Variants in TNKS observed in about 807,000 individuals in gnomAD.
TNKS encodes the protein tankyrase, also known as poly [ADP-ribose] polymerase tankyrase-1.
A neutral mutation model predicts 135.8 loss-of-function variants in TNKS; 72 were observed. The observed-to-expected ratio is 0.53, with a 90% CI of 0.44 to 0.64. The LOEUF (loss-of-function observed/expected upper bound fraction) is 0.64. Among genes scored for constraint, TNKS ranks in the 30% least tolerant of loss-of-function variants. The pLI, the probability that TNKS is intolerant of heterozygous loss-of-function variation, is 0.00. For missense variants in TNKS, 1,769 were observed against 1,674.0 expected (o/e 1.06, Z -0.99); for synonymous variants, 849 against 649.3 (o/e 1.31, Z -4.68).
chr8:9,765,691 G>C lies in TNKS; in HGVS notation c.3448-1G>C. 4 of 1,612,556 alleles carry C rather than the reference G, an allele frequency of 2.5e-6. No individual in the cohort carries two copies. The highest frequency in any genetic ancestry group is 3.4e-6 in the Non-Finnish European group (4 of 1,178,736). Reference sequence around the variant, plus strand: ...TGTTTCTTTCTTCTTCATCCTTAAAGATTCAAAAAGTTGTCAACAAGAAGT... The same window carrying C: ...TGTTTCTTTCTTCTTCATCCTTAAACATTCAAAAAGTTGTCAACAAGAAGT... On this transcript the variant is annotated splice_acceptor_variant, in intron 23 of 26. Coordinates refer to ENST00000310430, the MANE Select transcript of TNKS (RefSeq NM_003747.3). LOFTEE classifies it high-confidence loss of function.
chr8:9,658,503 G>C (rs1332169630), intron 3 of TNKS: 1 of 549,078 alleles, frequency 1.8e-6, no homozygotes, highest in African/African-American at 2.0e-5. Flanking sequence ...AAGTGAAGGA[G>C]AAATAAAATC....
chr8:9,608,874 A>G lies in TNKS; in HGVS notation c.899-6708A>G, dbSNP rs371305632. Among the ~76,000 whole-genome samples, 185 of 152,266 alleles carry G rather than the reference A, an allele frequency of 1.2e-3. 1 individual carries two copies. The highest frequency in any genetic ancestry group is 4.1e-3 in the African/African-American group (172 of 41,534). On this transcript the variant is annotated intron_variant, in intron 2 of 26. Transcript: ENST00000310430. ...CTTCTTTCAGGGATCACTGTTTACA[A>G]CTGCAGCTGGCTACTGCCTGCAGTT...
At chr8:9,768,357 C>A (rs1372921290) in intron 25 of TNKS, among the ~76,000 whole-genome samples, 1 of 152,198 alleles carries the variant, frequency 6.6e-6, no homozygotes, top group African/African-American at 2.4e-5. Flanking sequence ...CATGAGGCAT[C>A]TCCGGAGAGG....
At chr8:9,720,255 A>G (rs143394187) in intron 11 of TNKS, 119 bp from the exon 12 acceptor site, 48 of 963,118 alleles carry the variant, frequency 5.0e-5, no homozygotes, top group East Asian at 1.7e-4. Flanking sequence ...ATCAATATCT[A>G]TGAGACTTTT....
chr8:9,700,689 T>C (rs1803756744), intron 5 of TNKS, among the ~76,000 whole-genome samples: 1 of 152,070 alleles, frequency 6.6e-6, no homozygotes, highest in East Asian at 1.9e-4. Context: ...GCTAGATCAG[T>C]CATTTCTCAG....
intron 25 of TNKS, among the ~76,000 whole-genome samples, chr8:9,769,098 A>G (rs1585445240): frequency 1.3e-5 from 2 of 152,228 alleles, no homozygotes; most frequent in South Asian, 4.1e-4. Context: ...GGGATATATA[A>G]TAATTATTTT....
At chr8:9,570,821 G>A (rs1274873382) in intron 1 of TNKS, among the ~76,000 whole-genome samples, 2 of 152,088 alleles carry the variant, frequency 1.3e-5, no homozygotes, top group East Asian at 1.9e-4. Flanking sequence ...TGTGTCTACT[G>A]TATACCCAGT....
At chr8:9,582,575 C>G (rs1233873525) in intron 2 of TNKS, among the ~76,000 whole-genome samples, 2 of 152,230 alleles carry the variant, frequency 1.3e-5, no homozygotes, top group African/African-American at 4.8e-5. Flanking sequence ...ATGCTCCAGG[C>G]TTATACCCTG....
At chr8:9,745,945 G>A (rs532215854) in intron 17 of TNKS, among the ~76,000 whole-genome samples, 120 of 152,244 alleles carry the variant, frequency 7.9e-4, no homozygotes, top group African/African-American at 2.8e-3. Context: ...CAGGGAAGAC[G>A]ATATCTTAAG....
chr8:9,556,343 C>A lies in TNKS; in HGVS notation c.404C>A (p.Pro135Gln). ...AATTCACCGTCGTCCTCTTCTTCCC[C>A]GACTTCTTCCTCATCTTCCTCTCCA... ...SNNSPSSSSS[P>Q]TSSSSSSPSS... The change falls in exon 1 of 27, where the codon CCG (proline) becomes CAG (glutamine). Residue 135 changes from proline to glutamine, a missense_variant. Physicochemically the swap from Pro to Gln is moderately conservative, Grantham distance 76. Transcript: ENST00000310430. The A allele has an allele frequency of 6.2e-7, 1 of 1,614,234 alleles. No homozygotes were observed. Among genetic ancestry groups the A allele is most frequent in the Non-Finnish European group, 8.5e-7 (1 of 1,180,054 alleles).
chr8:9,763,782 G>A (rs755935675), intron 22 of TNKS, among the ~76,000 whole-genome samples: 5 of 152,120 alleles, frequency 3.3e-5, no homozygotes, highest in Non-Finnish European at 5.9e-5. Flanking sequence ...TGAGACTCCT[G>A]CTCCACTGAC....
At chr8:9,683,413 G>A (rs1363148803) in intron 5 of TNKS, among the ~76,000 whole-genome samples, 1 of 152,008 alleles carries the variant, frequency 6.6e-6, no homozygotes, top group African/African-American at 2.4e-5. Flanking sequence ...TTTTTCATAT[G>A]TAGTAAATCA....
chr8:9,715,346 G>C (rs139449985), intron 11 of TNKS, among the ~76,000 whole-genome samples: 1 of 122,406 alleles, frequency 8.2e-6, no homozygotes, highest in Non-Finnish European at 1.8e-5. Flanking sequence ...AAGGAAAGAG[G>C]TTGTACTAGC....
At chr8:9,674,730 C>T (rs933604708) in intron 3 of TNKS, among the ~76,000 whole-genome samples, 10 of 152,082 alleles carry the variant, frequency 6.6e-5, no homozygotes, top group African/African-American at 2.4e-4. Flanking sequence ...TGGTACTAAG[C>T]AGAGTGATGT....
At chr8:9,743,142 T>C (rs1226675584) in intron 17 of TNKS, among the ~76,000 whole-genome samples, 1 of 152,154 alleles carries the variant, frequency 6.6e-6, no homozygotes, top group Non-Finnish European at 1.5e-5. Context: ...TTTTGTGGAG[T>C]AGATTTTCTG....
chr8:9,578,822 G>A (rs1238881856), intron 1 of TNKS, among the ~76,000 whole-genome samples: 3 of 152,052 alleles, frequency 2.0e-5, no homozygotes, highest in African/African-American at 7.2e-5. Flanking sequence ...ATTTAAAGTG[G>A]GAAAGAATCA....
intron 3 of TNKS, among the ~76,000 whole-genome samples, chr8:9,641,256 T>C (rs1800719120): frequency 6.9e-6 from 1 of 145,418 alleles, no homozygotes; most frequent in African/African-American, 2.5e-5. Context: ...TGTTAACTTT[T>C]TATATATGCA....
At chr8:9,652,405 C>CT (rs1221706244) in intron 3 of TNKS, among the ~76,000 whole-genome samples, 1 of 152,066 alleles carries the variant, frequency 6.6e-6, no homozygotes, top group East Asian at 1.9e-4. Flanking sequence ...AAGGCCCTGT[C>CT]TTTTTTTAGC....
At chr8:9,681,710 C>T (rs1193344754) in intron 5 of TNKS, among the ~76,000 whole-genome samples, 1 of 151,866 alleles carries the variant, frequency 6.6e-6, no homozygotes, top group Non-Finnish European at 1.5e-5. Flanking sequence ...ATGGATGGTA[C>T]CCCTTAGAAA....
Sources: allele counts gnomAD v4.1 joint callset (sites outside exome capture counted in the v4.1 genomes callset), GRCh38; gene constraint gnomAD v4.1.1; transcripts MANE v1.5; gene names NCBI Gene and HGNC (gene_info 2026-07-23, HGNC 2026-07-21).